The following TNRC6B variants were observed in gnomAD, a reference collection of about 807,000 sequenced individuals.
TNRC6B encodes the protein trinucleotide repeat-containing gene 6B protein.
Under a neutral mutation model 203.6 loss-of-function variants are expected in TNRC6B, and 52 were observed. The observed-to-expected ratio is 0.26, with a 90% CI of 0.20 to 0.32. TNRC6B has a LOEUF of 0.32. Ranked by LOEUF, TNRC6B falls within the 10% of genes least tolerant of loss-of-function variation. The probability of loss-of-function intolerance (pLI) is 1.00; values close to 1 mark genes in which losing one functional copy is unlikely to be tolerated. For missense variants in TNRC6B, 1,923 were observed against 2,286.2 expected (o/e 0.84, Z 3.24); for synonymous variants, 838 against 845.7 (o/e 0.99, Z 0.16).
intron 1 of TNRC6B, among the ~76,000 whole-genome samples, chr22:40,217,251 A>G (rs1042694526): frequency 6.6e-6 from 1 of 152,224 alleles, no homozygotes; most frequent in Non-Finnish European, 1.5e-5. Flanking sequence ...TGTCCTACGT[A>G]GCAGTTCCCA....
In TNRC6B at chr22:40,328,777, A is replaced by G. The variant is rs1213625209; in HGVS notation, c.*5536A>G. The G allele has an allele frequency of 2.0e-5, 3 of 152,216 alleles. No individual in the cohort carries two copies. Among genetic ancestry groups the G allele is most frequent in the African/African-American group, 7.2e-5 (3 of 41,450 alleles). 9.4% of individuals were successfully genotyped at this position (152,216 alleles called of 1,614,324 possible). A position where few individuals can be genotyped will look rare whatever the true frequency, so the allele number is the denominator to read the frequency against. ...TAGCCATCTCTAAGATTAGGGAACA[A>G]TTGAGTCTTTATGTAGAAAAGATCC... is the stretch of plus-strand genomic sequence containing the variant. On this transcript the variant is annotated 3_prime_UTR_variant, in exon 23 of 23. Coordinates refer to ENST00000454349, the MANE Select transcript of TNRC6B (RefSeq NM_001162501.2).
At position 40,331,319 on chromosome 22, in the gene TNRC6B, T is replaced by G. The variant is rs73885683; in HGVS notation, c.*8078T>G. ...AAAGAGAAAAATCTGAAATCATATTTTATTTCTTCAGAGCTATTATAGTTG... is the reference window on the plus strand; with the variant it reads ...AAAGAGAAAAATCTGAAATCATATTGTATTTCTTCAGAGCTATTATAGTTG... On this transcript the variant is annotated 3_prime_UTR_variant, in exon 23 of 23. Transcript: ENST00000454349. The G allele has an allele frequency of 0.023, 4,077 of 180,122 alleles. 168 individuals carry two copies. The highest frequency in any genetic ancestry group is 0.09 in the African/African-American group (3,851 of 42,968). The allele number at this position is 180,122 out of a possible 1,614,324, so 11.2% of individuals were successfully genotyped here. A position where few individuals can be genotyped will look rare whatever the true frequency, so the allele number is the denominator to read the frequency against.
chr22:40,114,736 G>A (rs766399807), intron 1 of TNRC6B, among the ~76,000 whole-genome samples: 12 of 152,092 alleles, frequency 7.9e-5, no homozygotes, highest in Non-Finnish European at 1.3e-4. Context: ...GACTAGTTTG[G>A]CTGCTCTGAA....
intron 1 of TNRC6B, among the ~76,000 whole-genome samples, chr22:40,215,514 C>T (rs1034886234): frequency 2.0e-5 from 3 of 152,244 alleles, no homozygotes; most frequent in Non-Finnish European, 2.9e-5. Flanking sequence ...CTTTTTTGCC[C>T]CACAGCAGCA....
At chr22:40,124,448 A>G (rs895131311) in intron 2 of TNRC6B, among the ~76,000 whole-genome samples, 2 of 150,634 alleles carry the variant, frequency 1.3e-5, no homozygotes, top group African/African-American at 4.9e-5. Context: ...TCAGCCTCTC[A>G]AGTAGCTGGG....
intron 1 of TNRC6B, among the ~76,000 whole-genome samples, chr22:40,214,006 G>C (rs1358998943): frequency 6.6e-6 from 1 of 152,178 alleles, no homozygotes; most frequent in Non-Finnish European, 1.5e-5. Flanking sequence ...GGTGGCTCAC[G>C]CTTGTAATCC....
chr22:40,244,506 A>G (rs1424932837), intron 1 of TNRC6B, among the ~76,000 whole-genome samples: 1 of 151,796 alleles, frequency 6.6e-6, no homozygotes, highest in Non-Finnish European at 1.5e-5. Context: ...TGTATTCACG[A>G]GAGCCCACCT....
rs558451860 is a variant in TNRC6B, at chr22:40,184,918, G to T, written c.5+6778G>T. Among the ~76,000 whole-genome samples the T allele has an allele frequency of 6.6e-4, 100 of 152,312 alleles. 1 individual carries two copies. The highest frequency in any genetic ancestry group is 4.6e-3 in the South Asian group (22 of 4,826). On this transcript the variant is annotated intron_variant, in intron 1 of 22. Coordinates refer to ENST00000454349, the MANE Select transcript of TNRC6B (RefSeq NM_001162501.2). ...GAATCATTGAATCCTGAGATATCCAGGTGAAAGGCTGGAGTAATTACAGGT... is the reference window on the plus strand; with the variant it reads ...GAATCATTGAATCCTGAGATATCCATGTGAAAGGCTGGAGTAATTACAGGT...
intron 15 of TNRC6B, among the ~76,000 whole-genome samples, chr22:40,308,017 T>G (rs1416144798): frequency 1.5e-4 from 23 of 152,210 alleles, no homozygotes; most frequent in Non-Finnish European, 4.4e-5. Context: ...CACCATTCCC[T>G]AAACACACTT....
rs767257223 is a variant in TNRC6B, at chr22:40,332,109, G to A, written c.*8868G>A. 1.9e-5 allele frequency: 3 copies of A among 155,154 alleles called. No homozygotes were observed. The highest frequency in any genetic ancestry group is 4.3e-5 in the Non-Finnish European group (3 of 69,846). The allele number at this position is 155,154 out of a possible 1,614,324, so 9.6% of individuals were successfully genotyped here. A position where few individuals can be genotyped will look rare whatever the true frequency, so the allele number is the denominator to read the frequency against. On this transcript the variant is annotated 3_prime_UTR_variant, in exon 23 of 23. Coordinates refer to ENST00000454349, the MANE Select transcript of TNRC6B (RefSeq NM_001162501.2). ...GAGCCCTTCAAGCTCAGGAAACCAC[G>A]CTTCACTCGTGCTGACCTGAAAGTT...
At chr22:40,218,187 A>G (rs941715447) in intron 1 of TNRC6B, among the ~76,000 whole-genome samples, 3 of 151,992 alleles carry the variant, frequency 2.0e-5, no homozygotes, top group Non-Finnish European at 2.9e-5. Context: ...ATTAGGAATG[A>G]TTTTTAAAAT....
intron 1 of TNRC6B, among the ~76,000 whole-genome samples, chr22:40,087,222 G>A (rs1309931948): frequency 1.3e-5 from 2 of 152,184 alleles, no homozygotes; most frequent in Non-Finnish European, 2.9e-5. Flanking sequence ...TTTAAATTAT[G>A]AATCAAGTTA....
chr22:40,133,445 A>C (rs925391949), intron 3 of TNRC6B, among the ~76,000 whole-genome samples: 1 of 152,172 alleles, frequency 6.6e-6, no homozygotes, highest in East Asian at 1.9e-4. Context: ...CATTTCGGGC[A>C]CTTTTAACCT....
At position 40,312,993 on chromosome 22, in the gene TNRC6B, T is replaced by C. The variant is rs757405305; in HGVS notation, c.4674T>C (p.Thr1558=). 6.2e-7 allele frequency: 1 copy of C among 1,612,596 alleles called. No homozygotes were observed. The highest frequency in any genetic ancestry group is 2.2e-5 in the East Asian group (1 of 44,878). ...SDNSFTNVHS[T]SAKFPDYKST... ...ACTCCTTTACCAACGTTCATAGCAC[T>C]TCAGGTATGAGTGTGAATTTTTTGT... The change falls in exon 19 of 23, where the codon ACT becomes ACC. Residue 1558 remains threonine, a synonymous_variant. Transcript: ENST00000454349.
intron 3 of TNRC6B, among the ~76,000 whole-genome samples, chr22:40,257,896 G>A (rs1447675234): frequency 6.7e-6 from 1 of 149,814 alleles, no homozygotes; most frequent in East Asian, 2.0e-4. Context: ...GGTGGTGCAC[G>A]CCAGCTACTC....
At chr22:40,091,805 A>AT (rs1201945903) in intron 1 of TNRC6B, among the ~76,000 whole-genome samples, 1 of 152,076 alleles carries the variant, frequency 6.6e-6, no homozygotes, top group African/African-American at 2.4e-5. Context: ...TGTGTCTAGC[A>AT]TTTTTTATAA....
intron 1 of TNRC6B, among the ~76,000 whole-genome samples, chr22:40,091,511 C>T (rs1263030113): frequency 2.0e-5 from 3 of 151,344 alleles, no homozygotes; most frequent in African/African-American, 2.4e-5. Context: ...GTGACATTTA[C>T]GAGACAGTTG....
chr22:40,052,074 C>T (rs956095282), intron 1 of TNRC6B, among the ~76,000 whole-genome samples: 1 of 152,186 alleles, frequency 6.6e-6, no homozygotes, highest in Non-Finnish European at 1.5e-5. Context: ...CTTCCAGCCA[C>T]TGGTCTTTTG....
At chr22:40,117,744 G>C (rs1376940377) in intron 2 of TNRC6B, among the ~76,000 whole-genome samples, 1 of 152,004 alleles carries the variant, frequency 6.6e-6, no homozygotes, top group African/African-American at 2.4e-5. Context: ...TACTCTTCTT[G>C]TTGTATTTTT....
Sources: allele counts gnomAD v4.1 joint callset (sites outside exome capture counted in the v4.1 genomes callset), GRCh38; gene constraint gnomAD v4.1.1; transcripts MANE v1.5; gene names NCBI Gene and HGNC (gene_info 2026-07-23, HGNC 2026-07-21).